Variants in EPHB1 observed in about 807,000 individuals in gnomAD.
EPHB1 encodes the protein ephrin type-B receptor 1.
In EPHB1, 30 loss-of-function variants were observed where a neutral mutation model predicts 94.4. The ratio of observed to expected loss-of-function variants is 0.32; its 90% confidence interval spans 0.24 to 0.43. The LOEUF (loss-of-function observed/expected upper bound fraction) is 0.43, where lower values mean the gene tolerates loss of function less well. Ranked by LOEUF, EPHB1 falls within the 20% of genes least tolerant of loss-of-function variation. The pLI, the probability that EPHB1 is intolerant of heterozygous loss-of-function variation, is 1.00. For synonymous variants in EPHB1, 522 were observed against 489.1 expected (o/e 1.07, Z -0.89); for missense variants, 1,055 against 1,308.3 (o/e 0.81, Z 2.99).
rs1246498295 is a variant in EPHB1, at chr3:135,052,997, ATGTGTGTG to A, written c.806-53449_806-53442del. On this transcript the variant is annotated intron_variant, in intron 3 of 15. Coordinates refer to ENST00000398015, the MANE Select transcript of EPHB1 (RefSeq NM_004441.5). ...TGTATATATATGTGTGTGTATATAT[ATGTGTGTG>A]TATATATATGTGTGTGTGTGTGTAT... Among the ~76,000 whole-genome samples, 128 of 100,128 alleles carry A rather than the reference ATGTGTGTG, an allele frequency of 1.3e-3. 3 individuals carry two copies. Among genetic ancestry groups the A allele is most frequent in the African/African-American group, 5.3e-3 (122 of 23,224 alleles). 65.7% of individuals were successfully genotyped at this position (100,128 alleles called of 152,430 possible). A position where few individuals can be genotyped will look rare whatever the true frequency, so the allele number is the denominator to read the frequency against.
intron 3 of EPHB1, among the ~76,000 whole-genome samples, chr3:134,960,840 C>T (rs1246505433): frequency 6.6e-6 from 1 of 152,234 alleles, no homozygotes; most frequent in Non-Finnish European, 1.5e-5. Flanking sequence ...AGAAAGGCTG[C>T]AGAATGAAAT....
intron 3 of EPHB1, among the ~76,000 whole-genome samples, chr3:135,037,983 C>T (rs1206234391): frequency 1.3e-5 from 2 of 152,182 alleles, no homozygotes; most frequent in African/African-American, 2.4e-5. Flanking sequence ...GTTTACCTAC[C>T]AGATCTCCCA....
At chr3:135,014,902 T>C (rs1213805291) in intron 3 of EPHB1, among the ~76,000 whole-genome samples, 1 of 152,220 alleles carries the variant, frequency 6.6e-6, no homozygotes, top group South Asian at 2.1e-4. Flanking sequence ...CTTTCTGGTT[T>C]TACTTTCCTT....
At chr3:135,217,220 GGT>G (rs1943167678) in intron 12 of EPHB1, among the ~76,000 whole-genome samples, 1 of 152,064 alleles carries the variant, frequency 6.6e-6, no homozygotes, top group Non-Finnish European at 1.5e-5. Context: ...CACTGTCCCT[GGT>G]AGCAGCAGGG....
intron 12 of EPHB1, among the ~76,000 whole-genome samples, chr3:135,203,932 G>T (rs1942826967): frequency 6.6e-6 from 1 of 152,146 alleles, no homozygotes; most frequent in South Asian, 2.1e-4. Context: ...ACAAAGGGTT[G>T]CTGCTTCAAC....
chr3:135,117,994 A>G (rs990706945), intron 4 of EPHB1, among the ~76,000 whole-genome samples: 2 of 152,208 alleles, frequency 1.3e-5, no homozygotes, highest in Non-Finnish European at 2.9e-5. Flanking sequence ...GGTCACTGCC[A>G]TGCCCTGCCA....
chr3:134,872,720 A>G (rs902054679), intron 1 of EPHB1, among the ~76,000 whole-genome samples: 1 of 152,208 alleles, frequency 6.6e-6, no homozygotes, highest in African/African-American at 2.4e-5. Context: ...AATTATAATG[A>G]AGGGTGAATA....
intron 1 of EPHB1, among the ~76,000 whole-genome samples, chr3:134,917,910 C>A (rs928419491): frequency 1.5e-4 from 23 of 152,222 alleles, no homozygotes; most frequent in African/African-American, 4.8e-4. Context: ...ATGGGCATGT[C>A]TCTGTTGACT....
At chr3:135,138,063 A>G (rs532985851) in intron 5 of EPHB1, among the ~76,000 whole-genome samples, 20 of 152,316 alleles carry the variant, frequency 1.3e-4, no homozygotes, top group African/African-American at 4.1e-4. Flanking sequence ...CTCATTGTGT[A>G]TTTGAAGAAG....
At chr3:135,125,178 A>G (rs1940148663) in intron 4 of EPHB1, among the ~76,000 whole-genome samples, 1 of 151,600 alleles carries the variant, frequency 6.6e-6, no homozygotes, top group Non-Finnish European at 1.5e-5. Flanking sequence ...TGGTGCCACT[A>G]GTTTCCACAG....
intron 1 of EPHB1, among the ~76,000 whole-genome samples, chr3:134,916,493 C>T (rs1294695355): frequency 6.6e-6 from 1 of 152,206 alleles, no homozygotes; most frequent in Non-Finnish European, 1.5e-5. Context: ...CTGCAGGTCC[C>T]GAGCCTTGCC....
rs59703359 is a variant in EPHB1 at position 134,953,472 on chromosome 3, C to T, written c.805+1420C>T. Among the ~76,000 whole-genome samples the T allele has an allele frequency of 4.9e-3, 746 of 152,362 alleles. 5 individuals are homozygous for T. Among genetic ancestry groups the T allele is most frequent in the African/African-American group, 0.016 (653 of 41,588 alleles). ...AACGTCAACAGTTTTAAAACCATCC[C>T]AGCCTGGTCCCACAGTCCTCCTCTT... is the stretch of plus-strand genomic sequence containing the variant. On this transcript the variant is annotated intron_variant, in intron 3 of 15. Coordinates refer to ENST00000398015, the MANE Select transcript of EPHB1 (RefSeq NM_004441.5).
intron 12 of EPHB1, among the ~76,000 whole-genome samples, chr3:135,219,745 A>G (rs570643997): frequency 6.6e-6 from 1 of 152,342 alleles, no homozygotes; most frequent in Admixed American, 6.5e-5. Flanking sequence ...CCGGTTTCTA[A>G]AGCCCTGATC....
intron 4 of EPHB1, among the ~76,000 whole-genome samples, chr3:135,113,104 G>A (rs916583698): frequency 4.6e-5 from 7 of 152,194 alleles, no homozygotes; most frequent in African/African-American, 1.7e-4. Flanking sequence ...TTCAGACAAA[G>A]GTCAAAGATC....
intron 5 of EPHB1, among the ~76,000 whole-genome samples, chr3:135,151,127 A>G (rs957614684): frequency 5.3e-5 from 8 of 152,294 alleles, no homozygotes; most frequent in Middle Eastern, 3.4e-3. Context: ...CAGTGCTGTG[A>G]TTGGCTTCCT....
intron 3 of EPHB1, among the ~76,000 whole-genome samples, chr3:134,953,409 GGA>G (rs1163768277): frequency 6.6e-6 from 1 of 152,252 alleles, no homozygotes. Context: ...TGGAAACAAA[GGA>G]GAGAGAGTGC....
chr3:135,087,798 C>T (rs1938412677), intron 3 of EPHB1, among the ~76,000 whole-genome samples: 1 of 152,192 alleles, frequency 6.6e-6, no homozygotes, highest in Admixed American at 6.5e-5. Context: ...CACTGCCTGC[C>T]CTGCTGCTGA....
At chr3:134,811,578 C>A (rs559550629) in intron 1 of EPHB1, among the ~76,000 whole-genome samples, 2 of 152,074 alleles carry the variant, frequency 1.3e-5, no homozygotes, top group Admixed American at 1.3e-4. Flanking sequence ...TCCTGACCAC[C>A]CCACACCCTG....
chr3:135,002,485 G>A (rs1935220669), intron 3 of EPHB1, among the ~76,000 whole-genome samples: 1 of 152,012 alleles, frequency 6.6e-6, no homozygotes, highest in African/African-American at 2.4e-5. Context: ...AATGAGTTAG[G>A]GAGGATTTCC....
Sources: gnomAD v4.1 joint callset for allele counts (sites outside exome capture counted in the v4.1 genomes callset) on GRCh38, gnomAD v4.1.1 for gene constraint, MANE v1.5 for transcripts, NCBI Gene and HGNC (gene_info 2026-07-23, HGNC 2026-07-21) for gene names.